USP24: variants seen among roughly 807,000 people sequenced by gnomAD.
The protein encoded by USP24 is ubiquitin specific peptidase 24.
In USP24, 97 loss-of-function variants were observed where a neutral mutation model predicts 361.6. The observed-to-expected ratio is 0.27, with a 90% confidence interval of 0.23 to 0.32. The LOEUF is 0.32. Ranked by LOEUF, USP24 falls within the 10% of genes least tolerant of loss-of-function variation. The probability of loss-of-function intolerance (pLI) is 1.00; values close to 1 mark genes in which losing one functional copy is unlikely to be tolerated. For synonymous variants in USP24, 1,098 were observed against 1,124.6 expected (o/e 0.98, Z 0.47); for missense variants, 2,353 against 3,165.6 (o/e 0.74, Z 6.16).
intron 61 of USP24, 67 bp downstream of exon 61, chr1:55,078,471 A>G: frequency 7.6e-7 from 1 of 1,321,352 alleles, no homozygotes; most frequent in Non-Finnish European, 1.0e-6. Context: ...CCTTGGAGCA[A>G]AAAGATGCTC....
In USP24 at chr1:55,134,945, A is replaced by G. The variant is rs190744028; in HGVS notation, c.3202-532T>C. Among the ~76,000 whole-genome samples, 25 of 152,286 alleles carry G rather than the reference A, an allele frequency of 1.6e-4. No individual in the cohort carries two copies. The East Asian group carries it at 4.8e-3, about 29-fold the overall frequency. On this transcript the variant is annotated intron_variant, in intron 28 of 67. Transcript: ENST00000294383. ...GAGATTCAGATATGACTAAAGCACT[A>G]TTTTCTGGTTATAAGGAATAAGAAA...
chr1:55,090,938 T>C (rs1175050512), intron 54 of USP24, among the ~76,000 whole-genome samples: 1 of 152,042 alleles, frequency 6.6e-6, no homozygotes, highest in Admixed American at 6.6e-5. Flanking sequence ...TACAAAAATT[T>C]GCCGGGTGTG....
At chr1:55,115,242 G>T (rs1246751786) in intron 38 of USP24, among the ~76,000 whole-genome samples, 1 of 152,020 alleles carries the variant, frequency 6.6e-6, no homozygotes, top group African/African-American at 2.4e-5. Flanking sequence ...AACAAGGCCG[G>T]GCGCGGTGGC....
intron 7 of USP24, among the ~76,000 whole-genome samples, chr1:55,164,235 GA>G (rs1408277123): frequency 6.6e-6 from 1 of 151,868 alleles, no homozygotes; most frequent in Non-Finnish European, 1.5e-5. Context: ...GAGAAAAAGA[GA>G]GAGAGAGAAA....
chr1:55,081,861 T>G (rs1645155598), intron 58 of USP24, among the ~76,000 whole-genome samples: 1 of 152,198 alleles, frequency 6.6e-6, no homozygotes, highest in African/African-American at 2.4e-5. Flanking sequence ...AAATGAAATA[T>G]TAAAAGTGAA....
chr1:55,183,058 A>C (rs1644022950), intron 1 of USP24, among the ~76,000 whole-genome samples: 1 of 152,206 alleles, frequency 6.6e-6, no homozygotes, highest in Non-Finnish European at 1.5e-5. Flanking sequence ...TATTCCTAAA[A>C]AATGCCAGAG....
In USP24 at chr1:55,066,943, G is replaced by A. The variant is rs1362987143; in HGVS notation, c.*2102C>T. 6.6e-6 allele frequency: 1 copy of A among 152,112 alleles called. No homozygotes were observed. The highest frequency in any genetic ancestry group is 1.5e-5 in the Non-Finnish European group (1 of 68,030). The allele number at this position is 152,112 out of a possible 1,614,324, so 9.4% of individuals were successfully genotyped here. On this transcript the variant is annotated 3_prime_UTR_variant, in exon 68 of 68. Coordinates refer to ENST00000294383, the MANE Select transcript of USP24 (RefSeq NM_015306.3). The stretch of plus-strand genomic sequence containing the variant: ...CTACATTAAAAAAAGTCATCAGCAG[G>A]TTCATTGACTGTAGCTGTCAGCAAT...
At chr1:55,133,638 CTTT>C (rs34336736) in intron 30 of USP24, among the ~76,000 whole-genome samples, 76 of 126,790 alleles carry the variant, frequency 6.0e-4, no homozygotes, top group Admixed American at 6.4e-4. Context: ...CTCTCTCTCT[CTTT>C]TTTTTTTTTT....
At position 55,156,195 on chromosome 1, in the gene USP24, C is replaced by T. The variant is rs186564402; in HGVS notation, c.1446+753G>A. ...GTTTGGATATAATGAATTTAAGATGCCAATGCACTATGCATGGGAATGTGT... is the reference window on the plus strand; with the variant it reads ...GTTTGGATATAATGAATTTAAGATGTCAATGCACTATGCATGGGAATGTGT... On this transcript the variant is annotated intron_variant, in intron 12 of 67. Transcript: ENST00000294383. 2.3e-4 allele frequency among the ~76,000 whole-genome samples: 35 copies of T among 151,972 alleles called. 1 individual carries two copies. In the East Asian group the frequency reaches 6.4e-3, roughly 28 times the overall value.
chr1:55,073,926 C>T lies in USP24; in HGVS notation c.7448-20G>A, dbSNP rs1416701860. The T allele has an allele frequency of 1.3e-6, 2 of 1,552,674 alleles. No individual in the cohort carries two copies. Among genetic ancestry groups the T allele is most frequent in the Non-Finnish European group, 1.7e-6 (2 of 1,146,072 alleles). ...TCAAAGCTGAGGGAAGAGAAAAGGA[C>T]ATTTTAACAATAAAAGACTCAACTG... On this transcript the variant is annotated intron_variant, in intron 63 of 67. Transcript: ENST00000294383.
rs1280184602 is a variant in USP24 at position 55,067,709 on chromosome 1, T to C, written c.*1336A>G. 2 of 152,210 alleles carry C rather than the reference T, an allele frequency of 1.3e-5. No individual in the cohort carries two copies. Among genetic ancestry groups the C allele is most frequent in the South Asian group, 2.1e-4 (1 of 4,830 alleles). 9.4% of individuals were successfully genotyped at this position (152,210 alleles called of 1,614,324 possible). A position where few individuals can be genotyped will look rare whatever the true frequency, so the allele number is the denominator to read the frequency against. ...GGCACTTCCTAAGGCTCCCTAGTTC[T>C]GTGCATGGTGAGATGAAAATAAGGC... On this transcript the variant is annotated 3_prime_UTR_variant, in exon 68 of 68. Transcript: ENST00000294383.
intron 67 of USP24, 191 bp downstream of exon 67, chr1:55,071,623 G>T: frequency 8.8e-7 from 1 of 1,142,600 alleles, no homozygotes. Context: ...TCACACTGCA[G>T]CACTACTCAG....
intron 38 of USP24, among the ~76,000 whole-genome samples, chr1:55,117,679 T>G (rs1232794824): frequency 7.4e-6 from 1 of 135,520 alleles, no homozygotes; most frequent in African/African-American, 2.8e-5. Flanking sequence ...GAGCTTGCAG[T>G]GAGCCGAGAT....
At position 55,154,760 on chromosome 1, in the gene USP24, C is replaced by T; in HGVS notation, c.1465G>A (p.Val489Met). 1 of 1,612,224 alleles carries T rather than the reference C, an allele frequency of 6.2e-7. No homozygotes were observed. Among genetic ancestry groups the T allele is most frequent in the African/African-American group, 1.3e-5 (1 of 74,934 alleles). Residue 489 changes from valine (V) to methionine (M), a missense_variant, in exon 13 of 68, where the codon GTG becomes ATG. Coordinates refer to ENST00000294383, the MANE Select transcript of USP24 (RefSeq NM_015306.3). ...ATAATAGTATGAATGTTCTCAATCA[C>T]AGTAGATGATTGTCCTGACTGGAAA... ...WKIQSGQSST[V>M]IENIHTIIAA...
In USP24 at chr1:55,079,744, C is replaced by T. The variant is rs1045122644; in HGVS notation, c.7079-85G>A. The T allele has an allele frequency of 2.0e-5, 25 of 1,265,460 alleles. No homozygotes were observed. The African/African-American group carries it at 3.6e-4, about 18-fold the overall frequency. 78.4% of individuals were successfully genotyped at this position (1,265,460 alleles called of 1,614,324 possible). A position where few individuals can be genotyped will look rare whatever the true frequency, so the allele number is the denominator to read the frequency against. On this transcript the variant is annotated intron_variant, in intron 59 of 67. Coordinates refer to ENST00000294383, the MANE Select transcript of USP24 (RefSeq NM_015306.3). ...ACACATCCATAAGAAAATGTGCCTC[C>T]TTCAAGACTCGCACACACACTGAGT...
chr1:55,137,373 A>AT (rs1382714188), intron 28 of USP24, 142 bp downstream of exon 28: 39 of 1,121,182 alleles, frequency 3.5e-5, no homozygotes, highest in South Asian at 1.1e-4. Flanking sequence ...GGATGAAGAG[A>AT]TTTTTTTAAG....
intron 35 of USP24, 121 bp downstream of exon 35, chr1:55,124,348 T>A: frequency 8.4e-7 from 1 of 1,187,110 alleles, no homozygotes; most frequent in African/African-American, 1.5e-5. Flanking sequence ...GAATTTTTAC[T>A]CATGCTCACA....
chr1:55,124,059 C>T (rs1646357757), intron 35 of USP24, among the ~76,000 whole-genome samples: 1 of 152,042 alleles, frequency 6.6e-6, no homozygotes, highest in African/African-American at 2.4e-5. Flanking sequence ...AGCAGGAAGA[C>T]CAAATAAAGC....
Position 55,180,820 on chromosome 1 carries a change from C to A in USP24, c.325-2688G>T, listed in dbSNP as rs74599196. On this transcript the variant is annotated intron_variant, in intron 1 of 67. Transcript: ENST00000294383. ...GTGATTTGTTTGCCCCTCACTAGAC[C>A]AAGCTGCCTAAGGGCATGGACCTTA... Among the ~76,000 whole-genome samples, 25 of 152,306 alleles carry A rather than the reference C, an allele frequency of 1.6e-4. No homozygotes were observed. The East Asian group carries it at 4.8e-3, about 29-fold the overall frequency.
Sources: gnomAD v4.1 joint callset for allele counts (sites outside exome capture counted in the v4.1 genomes callset) on GRCh38, gnomAD v4.1.1 for gene constraint, MANE v1.5 for transcripts, NCBI Gene and HGNC (gene_info 2026-07-23, HGNC 2026-07-21) for gene names.